FSTL5: variants seen among roughly 807,000 people sequenced by gnomAD.
FSTL5 encodes follistatin like 5.
Under a neutral mutation model 89.1 loss-of-function variants are expected in FSTL5, and 62 were observed. The ratio of observed to expected loss-of-function variants is 0.70; its 90% CI spans 0.57 to 0.86. The LOEUF (loss-of-function observed/expected upper bound fraction) is 0.86. FSTL5 is among the 40% of genes least tolerant of loss of function. The pLI, the probability that FSTL5 is intolerant of heterozygous loss-of-function variation, is 0.00. For synonymous variants in FSTL5, 383 were observed against 346.2 expected, an observed-to-expected ratio of 1.11 and a Z score of -1.18; for missense variants, 1,057 against 1,001.6, an observed-to-expected ratio of 1.06 and a Z score of -0.75.
intron 4 of FSTL5, among the ~76,000 whole-genome samples, chr4:161,874,395 C>G (rs954967027): frequency 3.9e-5 from 6 of 151,992 alleles, no homozygotes; most frequent in South Asian, 4.1e-4. Flanking sequence ...TGAGTTTTCA[C>G]AATCATGTAT....
At chr4:161,698,471 G>C (rs1738264075) in intron 6 of FSTL5, among the ~76,000 whole-genome samples, 1 of 152,204 alleles carries the variant, frequency 6.6e-6, no homozygotes, top group Non-Finnish European at 1.5e-5. Flanking sequence ...TATAGTCAAT[G>C]ATGAGGTATT....
intron 2 of FSTL5, among the ~76,000 whole-genome samples, chr4:162,101,139 A>T (rs1401377809): frequency 6.6e-6 from 1 of 152,218 alleles, no homozygotes. Flanking sequence ...GCAAACATAC[A>T]TAATCACCTG....
chr4:162,088,536 T>C (rs1730412723), intron 2 of FSTL5, among the ~76,000 whole-genome samples: 3 of 152,148 alleles, frequency 2.0e-5, no homozygotes, highest in Non-Finnish European at 1.5e-5. Context: ...TTTTCATGCA[T>C]ATTTGAGAGT....
intron 1 of FSTL5, among the ~76,000 whole-genome samples, chr4:162,154,054 G>A (rs749713606): frequency 1.3e-5 from 2 of 151,668 alleles, no homozygotes; most frequent in African/African-American, 2.4e-5. Context: ...TGATCCACTC[G>A]CTTCGGCCTC....
intron 4 of FSTL5, among the ~76,000 whole-genome samples, chr4:161,811,600 G>A (rs994931673): frequency 6.6e-6 from 1 of 151,954 alleles, no homozygotes; most frequent in South Asian, 2.1e-4. Flanking sequence ...GAAATCACAA[G>A]TGAATAGTTT....
chr4:161,711,939 A>T (rs1738795395), intron 6 of FSTL5, among the ~76,000 whole-genome samples: 1 of 152,240 alleles, frequency 6.6e-6, no homozygotes, highest in African/African-American at 2.4e-5. Context: ...TTTGTGATAA[A>T]TATAATCAGC....
chr4:162,118,760 A>G (rs1731745539), intron 1 of FSTL5, among the ~76,000 whole-genome samples: 1 of 152,162 alleles, frequency 6.6e-6, no homozygotes, highest in African/African-American at 2.4e-5. Context: ...AAGGGAAAAC[A>G]GATCCTATAC....
intron 4 of FSTL5, among the ~76,000 whole-genome samples, chr4:161,886,424 T>G (rs1446495435): frequency 1.3e-5 from 2 of 152,234 alleles, no homozygotes; most frequent in Non-Finnish European, 2.9e-5. Flanking sequence ...AGTGAACTAC[T>G]GTAATTTTCA....
intron 3 of FSTL5, among the ~76,000 whole-genome samples, chr4:162,024,621 T>C (rs1227445555): frequency 6.6e-6 from 1 of 152,098 alleles, no homozygotes; most frequent in African/African-American, 2.4e-5. Flanking sequence ...TTGTTTCTTG[T>C]GTTTTTTTTA....
At chr4:161,669,472 G>A (rs1432171703) in intron 6 of FSTL5, among the ~76,000 whole-genome samples, 1 of 151,984 alleles carries the variant, frequency 6.6e-6, no homozygotes, top group East Asian at 1.9e-4. Flanking sequence ...AGAATAGAGA[G>A]GCCAGAAATA....
chr4:161,721,114 T>C (rs1340114023), intron 6 of FSTL5, among the ~76,000 whole-genome samples: 1 of 150,438 alleles, frequency 6.6e-6, no homozygotes, highest in Non-Finnish European at 1.5e-5. Flanking sequence ...CCGTCTCTAC[T>C]AAAAATACAA....
At chr4:162,004,289 T>C (rs1056787503) in intron 3 of FSTL5, among the ~76,000 whole-genome samples, 1 of 152,172 alleles carries the variant, frequency 6.6e-6, no homozygotes, top group Admixed American at 6.5e-5. Flanking sequence ...TAATAGCTAT[T>C]CTTAACTACT....
At chr4:162,128,032 G>C (rs1266398575) in intron 1 of FSTL5, among the ~76,000 whole-genome samples, 1 of 152,032 alleles carries the variant, frequency 6.6e-6, no homozygotes, top group Admixed American at 6.6e-5. Flanking sequence ...AGTTAATTTG[G>C]TGGCAACATA....
intron 8 of FSTL5, among the ~76,000 whole-genome samples, chr4:161,562,517 T>A (rs1211892139): frequency 1.3e-5 from 2 of 151,978 alleles, no homozygotes; most frequent in Non-Finnish European, 2.9e-5. Context: ...CTTCTATAAT[T>A]TATAATTTGG....
At chr4:161,393,696 C>T (rs374428389) in intron 15 of FSTL5, among the ~76,000 whole-genome samples, 3 of 152,126 alleles carry the variant, frequency 2.0e-5, no homozygotes, top group African/African-American at 7.2e-5. Flanking sequence ...AAGGGTAATG[C>T]GGTAATATGA....
At chr4:161,887,744 T>C (rs1254444288) in intron 4 of FSTL5, among the ~76,000 whole-genome samples, 1 of 152,208 alleles carries the variant, frequency 6.6e-6, no homozygotes, top group African/African-American at 2.4e-5. Flanking sequence ...AGTCTTACAA[T>C]TTAATTCATT....
chr4:161,846,709 G>A (rs1731380992), intron 4 of FSTL5, among the ~76,000 whole-genome samples: 1 of 151,996 alleles, frequency 6.6e-6, no homozygotes, highest in Non-Finnish European at 1.5e-5. Flanking sequence ...TGAGGCACTG[G>A]GAGTTTATGC....
chr4:162,155,752 T>C (rs746302557), intron 1 of FSTL5, among the ~76,000 whole-genome samples: 2 of 152,152 alleles, frequency 1.3e-5, no homozygotes, highest in African/African-American at 4.8e-5. Flanking sequence ...AGACAGGACA[T>C]TGTGTTTATA....
chr4:161,725,614 T>A (rs979697978), intron 6 of FSTL5, among the ~76,000 whole-genome samples: 1 of 152,050 alleles, frequency 6.6e-6, no homozygotes, highest in African/African-American at 2.4e-5. Context: ...TTTAGTATTG[T>A]TATTCAGTGC....
Sources: gnomAD v4.1 joint callset for allele counts (sites outside exome capture counted in the v4.1 genomes callset) on GRCh38, gnomAD v4.1.1 for gene constraint, MANE v1.5 for transcripts, NCBI Gene and HGNC (gene_info 2026-07-23, HGNC 2026-07-21) for gene names.